ICA1L: variants seen among roughly 807,000 people sequenced by gnomAD.
ICA1L encodes islet cell autoantigen 1-like protein.
Under a neutral mutation model 61.3 loss-of-function variants are expected in ICA1L, and 50 were observed. That is an observed-to-expected ratio of 0.82 (90% CI 0.65 to 1.03). ICA1L has a LOEUF of 1.03. Ranked by LOEUF, ICA1L falls within the 50% of genes least tolerant of loss-of-function variation. The pLI, the probability that ICA1L is intolerant of heterozygous loss-of-function variation, is 0.00. For synonymous variants in ICA1L, 161 were observed against 191.3 expected, an observed-to-expected ratio of 0.84 and a Z score of 1.31; for missense variants, 508 against 556.7, an observed-to-expected ratio of 0.91 and a Z score of 0.88.
Position 202,777,763 on chromosome 2 carries a change from A to G in ICA1L, c.*1770T>C, listed in dbSNP as rs1692269165. 6.6e-6 allele frequency: 1 copy of G among 152,184 alleles called. No homozygotes were observed. The highest frequency in any genetic ancestry group is 1.5e-5 in the Non-Finnish European group (1 of 68,052). 9.4% of individuals were successfully genotyped at this position (152,184 alleles called of 1,614,324 possible). On this transcript the variant is annotated 3_prime_UTR_variant, in exon 13 of 13. Transcript: ENST00000358299. ...GACTGCATTTTACCTACTCTGGTCCAATGTTTTCTATGTACCATGACAAAC... is the reference window on the plus strand; with the variant it reads ...GACTGCATTTTACCTACTCTGGTCCGATGTTTTCTATGTACCATGACAAAC...
intron 6 of ICA1L, 151 bp downstream of exon 6, chr2:202,817,267 C>G: frequency 1.7e-6 from 1 of 602,712 alleles, no homozygotes; most frequent in East Asian, 3.2e-5. Flanking sequence ...TTTTTCAGAA[C>G]TTTTTGACTC....
chr2:202,863,670 AC>A, intron 1 of ICA1L, among the ~76,000 whole-genome samples: 1 of 152,046 alleles, frequency 6.6e-6, no homozygotes, highest in Admixed American at 6.5e-5. Context: ...TAAAAAAATT[AC>A]AAAAAATCAG....
intron 1 of ICA1L, among the ~76,000 whole-genome samples, chr2:202,854,260 G>A (rs1487789026): frequency 6.6e-6 from 1 of 150,560 alleles, no homozygotes; most frequent in African/African-American, 2.4e-5. Context: ...TGATAAAACA[G>A]ACTTTAAACC....
At chr2:202,820,191 C>G (rs11679486) in intron 4 of ICA1L, among the ~76,000 whole-genome samples, 1 of 151,942 alleles carries the variant, frequency 6.6e-6, no homozygotes, top group African/African-American at 2.4e-5. Flanking sequence ...CTGGCCAACA[C>G]GGCGAAACCC....
At chr2:202,823,053 G>A (rs1693741591) in intron 3 of ICA1L, among the ~76,000 whole-genome samples, 3 of 152,172 alleles carry the variant, frequency 2.0e-5, no homozygotes, top group African/African-American at 7.2e-5. Context: ...TTTGGGTATG[G>A]TGGTTCAGAA....
chr2:202,839,320 GA>G (rs1373056453), intron 1 of ICA1L, among the ~76,000 whole-genome samples: 1 of 151,942 alleles, frequency 6.6e-6, no homozygotes, highest in African/African-American at 2.4e-5. Context: ...CTAACAAGGT[GA>G]AACCCCGTCT....
chr2:202,803,642 C>A (rs975572984), intron 9 of ICA1L, among the ~76,000 whole-genome samples: 4 of 152,036 alleles, frequency 2.6e-5, no homozygotes, highest in Non-Finnish European at 5.9e-5. Context: ...CTCAACTGAT[C>A]GTTCCTCCTC....
In ICA1L at chr2:202,828,830, T is replaced by C. The variant is rs375930201; in HGVS notation, c.162+18A>G. The C allele has an allele frequency of 4.8e-5, 77 of 1,608,708 alleles. No individual in the cohort carries two copies. The highest frequency in any genetic ancestry group is 1.8e-4 in the Admixed American group (11 of 59,996). On this transcript the variant is annotated intron_variant, in intron 2 of 12. Transcript: ENST00000358299. Reference sequence around the variant, plus strand: ...ATAATGGCTGGTTATATGCAATACATAGAATCCTCAAATTTACCTCAAGTT... The same window carrying C: ...ATAATGGCTGGTTATATGCAATACACAGAATCCTCAAATTTACCTCAAGTT...
In ICA1L at chr2:202,779,484, G is replaced by A. The variant is rs376771795; in HGVS notation, c.*49C>T. The A allele has an allele frequency of 8.1e-5, 90 of 1,112,338 alleles. No individual in the cohort carries two copies. Among genetic ancestry groups the A allele is most frequent in the Admixed American group, 1.2e-4 (6 of 50,336 alleles). The allele number at this position is 1,112,338 out of a possible 1,614,324, so 68.9% of individuals were successfully genotyped here. ...TAAATCCTTTCCACGAAGGAAATAC[G>A]TTGCAAAATTGATGTCTCAAGGCCA... On this transcript the variant is annotated 3_prime_UTR_variant, in exon 13 of 13. Transcript: ENST00000358299.
chr2:202,811,827 A>G (rs531816145), intron 8 of ICA1L, 38 bp from the exon 9 acceptor site: 13 of 1,429,296 alleles, frequency 9.1e-6, no homozygotes, highest in Admixed American at 1.8e-5. Flanking sequence ...ATTTTTTGTT[A>G]TAATACACTT....
intron 1 of ICA1L, among the ~76,000 whole-genome samples, chr2:202,831,130 C>T (rs377620347): frequency 1.3e-5 from 2 of 152,078 alleles, no homozygotes; most frequent in African/African-American, 2.4e-5. Context: ...ACAAAGTGGC[C>T]AATTTTCCAG....
chr2:202,869,194 T>C (rs1249925229), intron 1 of ICA1L, among the ~76,000 whole-genome samples: 1 of 150,986 alleles, frequency 6.6e-6, no homozygotes. Flanking sequence ...CCGACTCTAC[T>C]AAAAATACAA....
intron 1 of ICA1L, among the ~76,000 whole-genome samples, chr2:202,836,702 C>A (rs1384943694): frequency 1.5e-5 from 2 of 134,030 alleles, no homozygotes; most frequent in Admixed American, 1.5e-4. Flanking sequence ...TTCAAATTAT[C>A]AATTTCTTCA....
At chr2:202,861,264 G>T (rs932167318) in intron 1 of ICA1L, among the ~76,000 whole-genome samples, 1 of 151,466 alleles carries the variant, frequency 6.6e-6, no homozygotes, top group Non-Finnish European at 1.5e-5. Flanking sequence ...AATTAGTCAG[G>T]AGTGGTGGCT....
rs1559121478 is a variant in ICA1L, at chr2:202,774,692, C to T, written c.*4841G>A. ...AGCCTTTGGGTCAGGGAGAAGCACA[C>T]AAGAAAAAGAGAATTTCACTGGTGC... On this transcript the variant is annotated 3_prime_UTR_variant, in exon 13 of 13. Transcript: ENST00000358299. The T allele has an allele frequency of 5.5e-6, 1 of 181,194 alleles. No homozygotes were observed. Among genetic ancestry groups the T allele is most frequent in the African/African-American group, 2.4e-5 (1 of 42,436 alleles). The allele number at this position is 181,194 out of a possible 1,614,324, so 11.2% of individuals were successfully genotyped here. A position where few individuals can be genotyped will look rare whatever the true frequency, so the allele number is the denominator to read the frequency against.
At chr2:202,866,296 T>A (rs1025294617) in intron 1 of ICA1L, among the ~76,000 whole-genome samples, 1 of 152,136 alleles carries the variant, frequency 6.6e-6, no homozygotes. Context: ...TCGGCCCCCT[T>A]CCCTCTCTCA....
intron 5 of ICA1L, 124 bp downstream of exon 5, chr2:202,819,577 C>T: frequency 1.3e-6 from 1 of 763,972 alleles, no homozygotes; most frequent in East Asian, 2.7e-5. Flanking sequence ...AGTCTCCAAG[C>T]AACCAAGAAT....
In ICA1L at chr2:202,805,883, A is replaced by AT. The variant is rs1392520324; in HGVS notation, c.910+5862_910+5863insA. The stretch of plus-strand genomic sequence containing the variant: ...ATATTTCCTTTGTGACTTAAAAAAA[A>AT]GTTCTGTATTTGTGGGGTATAGGAT... On this transcript the variant is annotated intron_variant, in intron 9 of 12. Transcript: ENST00000358299. Among the ~76,000 whole-genome samples the AT allele has an allele frequency of 2.5e-4, 38 of 152,312 alleles. No homozygotes were observed. The East Asian group carries it at 6.7e-3, about 27-fold the overall frequency.
At chr2:202,825,556 G>C (rs1180902233) in intron 3 of ICA1L, 139 bp downstream of exon 3, 1 of 1,348,690 alleles carries the variant, frequency 7.4e-7, no homozygotes, top group Non-Finnish European at 9.5e-7. Flanking sequence ...GGGCCTTTGA[G>C]AACAGGTAAC....
Sources: gnomAD v4.1 joint callset for allele counts (sites outside exome capture counted in the v4.1 genomes callset) on GRCh38, gnomAD v4.1.1 for gene constraint, MANE v1.5 for transcripts, NCBI Gene and HGNC (gene_info 2026-07-23, HGNC 2026-07-21) for gene names.